The following UTRN variants were observed in gnomAD, a reference collection of about 807,000 sequenced individuals.
UTRN encodes utrophin.
In UTRN, 283 loss-of-function variants were observed where a neutral mutation model predicts 463.9. The ratio of observed to expected loss-of-function variants is 0.61; its 90% CI spans 0.55 to 0.67. The LOEUF is 0.67. Among genes scored for constraint, UTRN ranks in the 30% least tolerant of loss-of-function variants. The pLI, the probability that UTRN is intolerant of heterozygous loss-of-function variation, is 0.00. For synonymous variants in UTRN, 1,442 were observed against 1,431.5 expected (o/e 1.01, Z -0.17); for missense variants, 3,922 against 4,084.3 (o/e 0.96, Z 1.08).
chr6:144,573,510 A>G lies in UTRN; in HGVS notation c.7290-3589A>G, dbSNP rs183548573. Among the ~76,000 whole-genome samples the G allele has an allele frequency of 4.0e-3, 603 of 152,184 alleles. 5 individuals carry two copies. Among genetic ancestry groups the G allele is most frequent in the African/African-American group, 0.012 (517 of 41,534 alleles). ...AGAGTTTGAGACCAGCCTAGTCAAC[A>G]TGGTGAAATCCTGTCTCTATTAAAA... On this transcript the variant is annotated intron_variant, in intron 50 of 74. Coordinates refer to ENST00000367545, the MANE Select transcript of UTRN (RefSeq NM_007124.3).
chr6:144,491,865 A>G (rs1793104591), intron 32 of UTRN, among the ~76,000 whole-genome samples: 1 of 152,200 alleles, frequency 6.6e-6, no homozygotes, highest in Non-Finnish European at 1.5e-5. Flanking sequence ...GTTACATGAC[A>G]GCGTCCTATG....
intron 17 of UTRN, among the ~76,000 whole-genome samples, chr6:144,449,246 T>C (rs891527832): frequency 2.6e-5 from 4 of 152,224 alleles, no homozygotes; most frequent in African/African-American, 9.6e-5. Context: ...GAAACCACTA[T>C]TGGTTTGCCT....
chr6:144,443,384 G>A (rs1323063820), intron 13 of UTRN, among the ~76,000 whole-genome samples: 1 of 152,130 alleles, frequency 6.6e-6, no homozygotes, highest in South Asian at 2.1e-4. Flanking sequence ...AGGTTAAGTA[G>A]TCCTCCTGAG....
chr6:144,489,682 C>T (rs768441677), intron 30 of UTRN, among the ~76,000 whole-genome samples: 1 of 152,014 alleles, frequency 6.6e-6, no homozygotes, highest in Non-Finnish European at 1.5e-5. Context: ...AGTGCAGTGG[C>T]GCGATCTCGG....
At chr6:144,616,415 A>G (rs1806103820) in intron 51 of UTRN, among the ~76,000 whole-genome samples, 2 of 152,312 alleles carry the variant, frequency 1.3e-5, no homozygotes, top group East Asian at 3.9e-4. Context: ...GGATTAAGCT[A>G]CAAGCCATTA....
intron 69 of UTRN, among the ~76,000 whole-genome samples, chr6:144,832,328 T>A (rs1165783280): frequency 6.6e-6 from 1 of 152,220 alleles, no homozygotes; most frequent in Non-Finnish European, 1.5e-5. Flanking sequence ...GAAAACTGCC[T>A]TAACTCTCTT....
intron 2 of UTRN, among the ~76,000 whole-genome samples, chr6:144,374,911 A>T (rs1330740301): frequency 1.4e-5 from 2 of 147,760 alleles, no homozygotes; most frequent in Non-Finnish European, 3.0e-5. Flanking sequence ...GTGCCTCTGC[A>T]CTCCAGCCTG....
In UTRN at chr6:144,607,368, A is replaced by G. The variant is rs532852483; in HGVS notation, c.7479+30080A>G. On this transcript the variant is annotated intron_variant, in intron 51 of 74. Transcript: ENST00000367545. ...CGATGCACATTATATTTTTAAGGCT[A>G]TGGGAAGTTCTGCTATTTAACTTTG... Among the ~76,000 whole-genome samples the G allele has an allele frequency of 2.6e-5, 4 of 152,336 alleles. No homozygotes were observed. In the South Asian group the frequency reaches 8.3e-4, roughly 32 times the overall value.
chr6:144,588,935 A>G (rs1802738377), intron 51 of UTRN, among the ~76,000 whole-genome samples: 1 of 152,198 alleles, frequency 6.6e-6, no homozygotes, highest in African/African-American at 2.4e-5. Context: ...GAGTCCAAAT[A>G]ATTGAAATTG....
chr6:144,791,522 A>C (rs910222524), intron 62 of UTRN, among the ~76,000 whole-genome samples: 1 of 151,918 alleles, frequency 6.6e-6, no homozygotes, highest in Admixed American at 6.6e-5. Flanking sequence ...GCAATGAGCC[A>C]TGGTCGGACC....
At chr6:144,818,886 T>C (rs903508949) in intron 65 of UTRN, among the ~76,000 whole-genome samples, 2 of 150,210 alleles carry the variant, frequency 1.3e-5, no homozygotes, top group Non-Finnish European at 2.9e-5. Flanking sequence ...CCAACTACAA[T>C]CTGTTGTTTT....
chr6:144,810,955 G>C (rs1778551252), intron 65 of UTRN, among the ~76,000 whole-genome samples: 1 of 152,150 alleles, frequency 6.6e-6, no homozygotes, highest in South Asian at 2.1e-4. Context: ...TTAAAAGCAA[G>C]AGGTTCAACT....
intron 2 of UTRN, among the ~76,000 whole-genome samples, chr6:144,312,673 G>A (rs1454046849): frequency 1.3e-5 from 2 of 151,996 alleles, no homozygotes; most frequent in African/African-American, 2.4e-5. Context: ...GCCTTTTCAT[G>A]GCTAATTGTC....
chr6:144,389,653 C>T (rs1781733164), intron 2 of UTRN, among the ~76,000 whole-genome samples: 1 of 151,848 alleles, frequency 6.6e-6, no homozygotes, highest in African/African-American at 2.4e-5. Context: ...GGCTGGAGTG[C>T]AGTGGCATGA....
At chr6:144,839,083 A>C in intron 71 of UTRN, 90 bp from the exon 72 acceptor site, 3 of 940,582 alleles carry the variant, frequency 3.2e-6, no homozygotes, top group Non-Finnish European at 4.9e-6. Context: ...TTAATTATCC[A>C]TGGTGAGGGC....
intron 9 of UTRN, among the ~76,000 whole-genome samples, chr6:144,433,558 C>T (rs1224467749): frequency 5.3e-4 from 79 of 148,516 alleles, no homozygotes; most frequent in African/African-American, 4.0e-4. Flanking sequence ...GGGCGGCTGC[C>T]GGGCGGAGGG....
At chr6:144,705,587 C>T (rs1013858638) in intron 53 of UTRN, among the ~76,000 whole-genome samples, 14 of 152,152 alleles carry the variant, frequency 9.2e-5, no homozygotes, top group Admixed American at 9.2e-4. Flanking sequence ...GCTCCTCACT[C>T]ATGCCCTAAT....
chr6:144,783,500 A>G (rs1342753282), intron 61 of UTRN, among the ~76,000 whole-genome samples: 1 of 152,208 alleles, frequency 6.6e-6, no homozygotes, highest in Admixed American at 6.5e-5. Flanking sequence ...ATTTCAATAC[A>G]TGTATACAGT....
intron 50 of UTRN, among the ~76,000 whole-genome samples, chr6:144,566,559 G>A (rs1800420369): frequency 6.6e-6 from 1 of 152,034 alleles, no homozygotes; most frequent in Non-Finnish European, 1.5e-5. Context: ...CCCTTTCTCT[G>A]GGTGGTGTCA....
Sources: gnomAD v4.1 joint callset for allele counts (sites outside exome capture counted in the v4.1 genomes callset) on GRCh38, gnomAD v4.1.1 for gene constraint, MANE v1.5 for transcripts, NCBI Gene and HGNC (gene_info 2026-07-23, HGNC 2026-07-21) for gene names.